Variants in TOB2 observed in about 807,000 individuals in gnomAD.
TOB2 encodes transducer of ERBB2, 2, also known as protein Tob2.
A neutral mutation model predicts 17.3 loss-of-function variants in TOB2; 3 were observed. That is an observed-to-expected ratio of 0.17 (90% CI 0.08 to 0.45). TOB2 has a LOEUF of 0.45. Ranked by LOEUF, TOB2 falls within the 20% of genes least tolerant of loss-of-function variation. The pLI is 0.99. For missense variants in TOB2, 407 were observed against 445.7 expected (o/e 0.91, Z 0.78); for synonymous variants, 163 against 185.6 (o/e 0.88, Z 0.99).
chr22:41,437,171 G>T lies in TOB2; in HGVS notation c.175C>A (p.His59Asn). The change falls in exon 2 of 2, where the codon CAC becomes AAC. Residue 59 changes from histidine to asparagine, a missense_variant. Transcript: ENST00000327492. ...ACGGGGTCCACCATCTCCCCAATGT[G>T]AACACAGCGGAAGCCAGAGCCTTTC... The part of the protein sequence containing the change: ...PLKGSGFRCV[H>N]IGEMVDPVVE... The T allele has an allele frequency of 6.2e-7, 1 of 1,614,148 alleles. No individual in the cohort carries two copies. Among genetic ancestry groups the T allele is most frequent in the East Asian group, 2.2e-5 (1 of 44,884 alleles).
intron 1 of TOB2, among the ~76,000 whole-genome samples, chr22:41,440,136 GA>G (rs2037598146): frequency 2.6e-5 from 3 of 114,992 alleles, no homozygotes; most frequent in East Asian, 4.4e-4. Flanking sequence ...TTTTTTTTTT[GA>G]GACGGAGTCT....
In TOB2 at chr22:41,436,082, C is replaced by A; in HGVS notation, c.*229G>T. ...AGAAAAAGAAATATAAAACCCAAAC[C>A]AACCAAATAAATCACAGGCCGGTGG... On this transcript the variant is annotated 3_prime_UTR_variant, in exon 2 of 2. Coordinates refer to ENST00000327492, the MANE Select transcript of TOB2 (RefSeq NM_016272.4). The surrounding 1 kb of genome is among the most constrained non-coding windows in gnomAD (Gnocchi z 4.8). 3 of 444,794 alleles carry A rather than the reference C, an allele frequency of 6.7e-6. No homozygotes were observed. Among genetic ancestry groups the A allele is most frequent in the South Asian group, 7.9e-5 (1 of 12,626 alleles). 27.6% of individuals were successfully genotyped at this position (444,794 alleles called of 1,614,324 possible). A position where few individuals can be genotyped will look rare whatever the true frequency, so the allele number is the denominator to read the frequency against.
chr22:41,436,726 C>T lies in TOB2; in HGVS notation c.620G>A (p.Gly207Glu). ...CTGTGGTGGCTGCTGGCCACCCGCC[C>T]CACTGCTGGCTACACCCCCACCACT... ...AASGGGVASS[G>E]AGGQQPPQQP... Residue 207 changes from glycine (G) to glutamate (E), a missense_variant, in exon 2 of 2, where the codon GGG becomes GAG. By Grantham distance (98) the Gly-to-Glu change is moderately conservative (BLOSUM62 -2). Transcript: ENST00000327492. This position sits in a 1 kb window ranked among gnomAD's most constrained non-coding sequence, Gnocchi z 4.8. The T allele has an allele frequency of 1.9e-6, 3 of 1,613,352 alleles. No individual in the cohort carries two copies. Among genetic ancestry groups the T allele is most frequent in the Non-Finnish European group, 2.5e-6 (3 of 1,179,770 alleles).
rs759403682 is a variant in TOB2 at position 41,439,665 on chromosome 22, G to A, written c.-62-2258C>T. Among the ~76,000 whole-genome samples, 161 of 152,030 alleles carry A rather than the reference G, an allele frequency of 1.1e-3. 3 individuals carry two copies. The highest frequency in any genetic ancestry group is 3.8e-4 in the Non-Finnish European group (26 of 68,006). ...TGAATGGCTGGGACTATAGGTGCCC[G>A]TCACCACGCCTGGCTAGTTTTTGTA... On this transcript the variant is annotated intron_variant, in intron 1 of 1. Coordinates refer to ENST00000327492, the MANE Select transcript of TOB2 (RefSeq NM_016272.4).
intron 1 of TOB2, among the ~76,000 whole-genome samples, chr22:41,440,746 TA>T (rs1169736970): frequency 6.6e-6 from 1 of 152,062 alleles, no homozygotes; most frequent in African/African-American, 2.4e-5. Context: ...TTTGTATTTT[TA>T]GTACACACGG....
chr22:41,441,961 G>A (rs955714054), intron 1 of TOB2, among the ~76,000 whole-genome samples: 1 of 151,354 alleles, frequency 6.6e-6, no homozygotes, highest in Non-Finnish European at 1.5e-5. Flanking sequence ...GCATGATTGC[G>A]GGTGCCTATA....
chr22:41,437,587 T>A (rs895189748), intron 1 of TOB2, among the ~76,000 whole-genome samples, 180 bp from the exon 2 acceptor site: 4 of 152,108 alleles, frequency 2.6e-5, no homozygotes, highest in Admixed American at 2.6e-4. Flanking sequence ...GAGGCCATCA[T>A]GAAGTTAAGG....
intron 1 of TOB2, among the ~76,000 whole-genome samples, chr22:41,439,666 T>C (rs767370484): frequency 5.9e-5 from 9 of 152,010 alleles, no homozygotes; most frequent in Non-Finnish European, 1.0e-4. Context: ...TAGGTGCCCG[T>C]CACCACGCCT....
chr22:41,446,525 T>C lies in TOB2; in HGVS notation c.-209A>G, dbSNP rs1357034888. The C allele has an allele frequency of 1.3e-5, 2 of 152,142 alleles. No homozygotes were observed. The highest frequency in any genetic ancestry group is 2.9e-5 in the Non-Finnish European group (2 of 68,140). 9.4% of individuals were successfully genotyped at this position (152,142 alleles called of 1,614,324 possible). A position where few individuals can be genotyped will look rare whatever the true frequency, so the allele number is the denominator to read the frequency against. ...CCGAAGTCCTTTTCGTCGTTGAGGG[T>C]TGGGGGACGAAGCAGGGGGCTATGG... On this transcript the variant is annotated 5_prime_UTR_variant, in exon 1 of 2. Coordinates refer to ENST00000327492, the MANE Select transcript of TOB2 (RefSeq NM_016272.4).
At chr22:41,442,254 T>C (rs2037628754) in intron 1 of TOB2, among the ~76,000 whole-genome samples, 1 of 152,186 alleles carries the variant, frequency 6.6e-6, no homozygotes, top group Non-Finnish European at 1.5e-5. Flanking sequence ...CATGGCCTCT[T>C]AAAATGCACC....
At chr22:41,442,003 A>C (rs1226938971) in intron 1 of TOB2, among the ~76,000 whole-genome samples, 1 of 151,672 alleles carries the variant, frequency 6.6e-6, no homozygotes, top group Non-Finnish European at 1.5e-5. Flanking sequence ...AGGCAAGAGA[A>C]TCGCTTGAAC....
At position 41,437,193 on chromosome 22, in the gene TOB2, T is replaced by C; in HGVS notation, c.153A>G (p.Lys51=). The C allele has an allele frequency of 6.2e-7, 1 of 1,614,118 alleles. No individual in the cohort carries two copies. The highest frequency in any genetic ancestry group is 8.5e-7 in the Non-Finnish European group (1 of 1,180,032). The change falls in exon 2 of 2, where the codon AAA becomes AAG. Residue 51 remains lysine (K), a synonymous_variant. Transcript: ENST00000327492. ...EGHWYPEKPL[K]GSGFRCVHIG... is the part of the protein sequence containing the mutation. ...TGTGAACACAGCGGAAGCCAGAGCC[T>C]TTCAGTGGCTTCTCAGGGTACCAGT... is the stretch of plus-strand genomic sequence containing the variant.
In TOB2 at chr22:41,436,345, C is replaced by G. The variant is rs201576232; in HGVS notation, c.1001G>C (p.Ser334Thr). Residue 334 changes from serine (S) to threonine (T), a missense_variant, in exon 2 of 2, where the codon AGC becomes ACC. Physicochemically the swap from Ser to Thr is moderately conservative, Grantham distance 58. Coordinates refer to ENST00000327492, the MANE Select transcript of TOB2 (RefSeq NM_016272.4). This position sits in a 1 kb window ranked among gnomAD's most constrained non-coding sequence, Gnocchi z 4.8. ...SYNLNTMQYP[S>T]QQFQPVVLAN Reference sequence around the variant, plus strand: ...CAGCACCACGGGCTGGAACTGCTGGCTGGGATACTGCATGGTGTTCAGGTT... The same window carrying G: ...CAGCACCACGGGCTGGAACTGCTGGGTGGGATACTGCATGGTGTTCAGGTT... The G allele has an allele frequency of 6.3e-6, 10 of 1,599,228 alleles. No homozygotes were observed. The African/African-American group carries it at 1.2e-4, about 19-fold the overall frequency.
intron 1 of TOB2, among the ~76,000 whole-genome samples, chr22:41,438,574 G>T (rs1168212253): frequency 2.3e-5 from 3 of 130,884 alleles, no homozygotes; most frequent in African/African-American, 8.5e-5. Flanking sequence ...AGGTTGTGGT[G>T]AGCCGAGATC....
chr22:41,433,792 C>G lies in TOB2; in HGVS notation c.*2519G>C. Reference sequence around the variant, plus strand: ...ATAACTCACTGCATTGAGAAAAACACATCATTCTGGACTAACAGTTTCCAT... The same window carrying G: ...ATAACTCACTGCATTGAGAAAAACAGATCATTCTGGACTAACAGTTTCCAT... On this transcript the variant is annotated 3_prime_UTR_variant, in exon 2 of 2. Transcript: ENST00000327492. 1 of 474,482 alleles carries G rather than the reference C, an allele frequency of 2.1e-6. No homozygotes were observed. The highest frequency in any genetic ancestry group is 4.4e-6 in the Non-Finnish European group (1 of 229,470). The allele number at this position is 474,482 out of a possible 1,614,324, so 29.4% of individuals were successfully genotyped here. A position where few individuals can be genotyped will look rare whatever the true frequency, so the allele number is the denominator to read the frequency against.
rs1422490308 is a variant in TOB2, at chr22:41,437,131, G to A, written c.215C>T (p.Ala72Val). The A allele has an allele frequency of 1.6e-5, 26 of 1,613,982 alleles. No individual in the cohort carries two copies. Among genetic ancestry groups the A allele is most frequent in the Non-Finnish European group, 2.1e-5 (25 of 1,180,020 alleles). ...EMVDPVVELA[A>V]KRSGLAVEDV... ...TTCCACCGCCAGGCCACTCCGCTTG[G>A]CGGCCAGCTCCACCACGGGGTCCAC... The change falls in exon 2 of 2, where the codon GCC becomes GTC. Residue 72 changes from alanine (A) to valine (V), a missense_variant. Ala to Val is a moderately conservative substitution (Grantham distance 64). Coordinates refer to ENST00000327492, the MANE Select transcript of TOB2 (RefSeq NM_016272.4).
chr22:41,443,394 A>G (rs1229101752), intron 1 of TOB2, among the ~76,000 whole-genome samples: 1 of 152,012 alleles, frequency 6.6e-6, no homozygotes, highest in African/African-American at 2.4e-5. Flanking sequence ...ATCTTGGCTC[A>G]CTGCAACCTC....
In TOB2 at chr22:41,436,522, G is replaced by A; in HGVS notation, c.824C>T (p.Ala275Val). 2 of 1,611,988 alleles carry A rather than the reference G, an allele frequency of 1.2e-6. No homozygotes were observed. Among genetic ancestry groups the A allele is most frequent in the Middle Eastern group, 1.7e-4 (1 of 6,060 alleles). The change falls in exon 2 of 2, where the codon GCC becomes GTC. Residue 275 changes from alanine (A) to valine (V), a missense_variant. Coordinates refer to ENST00000327492, the MANE Select transcript of TOB2 (RefSeq NM_016272.4). The surrounding 1 kb of genome is among the most constrained non-coding windows in gnomAD (Gnocchi z 4.8). ...GGSPSLFFDA[A>V]DGQGSGTPGP... is the part of the protein sequence containing the mutation. Reference sequence around the variant, plus strand: ...TGGGGTGCCGCTGCCCTGGCCATCGGCCGCATCAAAGAAGAGGCTGGGTGA... The same window carrying A: ...TGGGGTGCCGCTGCCCTGGCCATCGACCGCATCAAAGAAGAGGCTGGGTGA...
intron 1 of TOB2, among the ~76,000 whole-genome samples, chr22:41,443,226 CAG>C (rs1464986889): frequency 6.6e-6 from 1 of 152,130 alleles, no homozygotes. Flanking sequence ...GTGCAGATTC[CAG>C]AGAGAACTTC....
Sources: allele counts gnomAD v4.1 joint callset (sites outside exome capture counted in the v4.1 genomes callset), GRCh38; gene constraint gnomAD v4.1.1; non-coding constraint Gnocchi (gnomAD v3.1); transcripts MANE v1.5; gene names NCBI Gene and HGNC (gene_info 2026-07-23, HGNC 2026-07-21).